The following KSR1 variants were observed in gnomAD, a reference collection of about 807,000 sequenced individuals.
KSR1 encodes the protein kinase suppressor of ras 1, also known as kinase suppressor of ras.
A neutral mutation model predicts 92.9 loss-of-function variants in KSR1; 35 were observed. The ratio of observed to expected loss-of-function variants is 0.38; its 90% CI spans 0.29 to 0.50. KSR1 has a LOEUF of 0.50. Ranked by LOEUF, KSR1 falls within the 20% of genes least tolerant of loss-of-function variation. The pLI, the probability that KSR1 is intolerant of heterozygous loss-of-function variation, is 0.94. For missense variants in KSR1, 972 were observed against 1,158.5 expected (o/e 0.84, Z 2.34); for synonymous variants, 467 against 472.6 (o/e 0.99, Z 0.15).
At chr17:27,548,737 C>T (rs1016971066) in intron 1 of KSR1, among the ~76,000 whole-genome samples, 2 of 150,698 alleles carry the variant, frequency 1.3e-5, no homozygotes, top group Non-Finnish European at 2.9e-5. Context: ...AGCTGAGGCA[C>T]AAGAATCACT....
intron 6 of KSR1, among the ~76,000 whole-genome samples, chr17:27,590,379 G>A (rs781223615): frequency 6.6e-6 from 1 of 152,200 alleles, no homozygotes; most frequent in East Asian, 1.9e-4. Context: ...CCATATTTTA[G>A]TCAGCTCCTA....
At chr17:27,517,987 C>T (rs1489720245) in intron 1 of KSR1, among the ~76,000 whole-genome samples, 1 of 152,202 alleles carries the variant, frequency 6.6e-6, no homozygotes, top group Non-Finnish European at 1.5e-5. Flanking sequence ...TATTGAGGAC[C>T]TGCTGTATGC....
In KSR1 at chr17:27,577,502, G is replaced by A. The variant is rs773362643; in HGVS notation, c.383G>A (p.Arg128Gln). Residue 128 changes from arginine (R) to glutamine (Q), a missense_variant, in exon 3 of 21, where the codon CGA becomes CAA. Physicochemically the swap from Arg to Gln is conservative, Grantham distance 43. This residue lies in a region of KSR1 where 611 missense variants were observed against 668.0 expected (regional missense o/e 0.91). Coordinates refer to ENST00000644974, the MANE Select transcript of KSR1 (RefSeq NM_001394583.1). This position sits in a 1 kb window ranked among gnomAD's most constrained non-coding sequence, Gnocchi z 4.5. ...VRPEVVQEIP[R>Q]DLTLDALLEM... ...CCTCTGTCCCCTTAGGAGATCCCCCGAGACCTCACGCTGGATGCCCTGCTG... is the reference window on the plus strand; with the variant it reads ...CCTCTGTCCCCTTAGGAGATCCCCCAAGACCTCACGCTGGATGCCCTGCTG... 10 of 1,565,750 alleles carry A rather than the reference G, an allele frequency of 6.4e-6. No homozygotes were observed. Among genetic ancestry groups the A allele is most frequent in the East Asian group, 2.3e-5 (1 of 43,348 alleles).
intron 1 of KSR1, among the ~76,000 whole-genome samples, chr17:27,526,046 C>CTTTTCTTT (rs1555576231): frequency 7.3e-4 from 44 of 60,580 alleles, no homozygotes; most frequent in Admixed American, 2.1e-3. Flanking sequence ...TCTTTTCTTT[C>CTTTTCTTT]TCTCTCTCTC....
intron 9 of KSR1, among the ~76,000 whole-genome samples, chr17:27,594,408 C>G (rs939411275): frequency 1.3e-5 from 2 of 152,098 alleles, no homozygotes; most frequent in African/African-American, 2.4e-5. Context: ...GCACACCCCC[C>G]ATGCCTGTGG....
At position 27,592,503 on chromosome 17, in the gene KSR1, TC is replaced by T; in HGVS notation, c.1193-14del. On this transcript the variant is annotated splice_polypyrimidine_tract_variant and intron_variant, in intron 8 of 20. Transcript: ENST00000644974. ...TGACCTGTTCCCTGGTGATGGGTTT[TC>T]CCTCTTTTCAAACAGTAACTCGGCT... 1 of 1,613,740 alleles carries T rather than the reference TC, an allele frequency of 6.2e-7. No homozygotes were observed. The highest frequency in any genetic ancestry group is 8.5e-7 in the Non-Finnish European group (1 of 1,179,634).
chr17:27,577,432 A>T lies in KSR1; in HGVS notation c.373-60A>T. ...TCAGCAGGAGGCCAGCCTGAGGCTG[A>T]GGGGCTCCCGGCCCAGCCGACTGCT... On this transcript the variant is annotated intron_variant, in intron 2 of 20. Transcript: ENST00000644974. This position sits in a 1 kb window ranked among gnomAD's most constrained non-coding sequence, Gnocchi z 4.5. The T allele has an allele frequency of 9.1e-7, 1 of 1,102,304 alleles. No homozygotes were observed. The allele number at this position is 1,102,304 out of a possible 1,614,324, so 68.3% of individuals were successfully genotyped here.
intron 1 of KSR1, among the ~76,000 whole-genome samples, chr17:27,466,012 A>G (rs1371334648): frequency 6.6e-6 from 1 of 152,248 alleles, no homozygotes; most frequent in Non-Finnish European, 1.5e-5. Context: ...CTGTGAAGAA[A>G]GTTGTGCTGC....
At chr17:27,500,065 G>A (rs2069122343) in intron 1 of KSR1, among the ~76,000 whole-genome samples, 1 of 152,214 alleles carries the variant, frequency 6.6e-6, no homozygotes, top group African/African-American at 2.4e-5. Context: ...CTGCCGTTCT[G>A]CGTTATGGCA....
intron 1 of KSR1, among the ~76,000 whole-genome samples, chr17:27,502,607 AG>A (rs1278990164): frequency 1.3e-5 from 2 of 152,220 alleles, no homozygotes; most frequent in Non-Finnish European, 2.9e-5. Context: ...TGGGTGACCT[AG>A]TCCCATGTCA....
chr17:27,525,991 A>ACTTTTCTTTT (rs138403263), intron 1 of KSR1, among the ~76,000 whole-genome samples: 1,384 of 71,180 alleles, frequency 0.019, 69 homozygotes, highest in East Asian at 0.078. Flanking sequence ...ACTGCAACTA[A>ACTTTTCTTTT]CTTTTCTTTT....
chr17:27,602,688 T>C (rs1291544785), intron 11 of KSR1, among the ~76,000 whole-genome samples: 1 of 152,128 alleles, frequency 6.6e-6, no homozygotes, highest in African/African-American at 2.4e-5. Context: ...TTGAGCAGTG[T>C]GGGATGGGTG....
chr17:27,543,007 G>A (rs1395441180), intron 1 of KSR1, among the ~76,000 whole-genome samples: 2 of 152,200 alleles, frequency 1.3e-5, no homozygotes, highest in African/African-American at 4.8e-5. Flanking sequence ...CATGACCTCT[G>A]ACCAGTCAGA....
chr17:27,538,561 C>T (rs866953696), intron 1 of KSR1, among the ~76,000 whole-genome samples: 5 of 152,146 alleles, frequency 3.3e-5, no homozygotes, highest in African/African-American at 1.2e-4. Context: ...GACCCCATTC[C>T]GGATCAATTA....
At chr17:27,586,796 G>A (rs2072985184) in intron 5 of KSR1, among the ~76,000 whole-genome samples, 1 of 152,200 alleles carries the variant, frequency 6.6e-6, no homozygotes, top group South Asian at 2.1e-4. Flanking sequence ...GGTGGCTTTT[G>A]GGGCTAATTG....
chr17:27,467,993 A>G (rs1055906273), intron 1 of KSR1, among the ~76,000 whole-genome samples: 1 of 151,432 alleles, frequency 6.6e-6, no homozygotes, highest in Non-Finnish European at 1.5e-5. Flanking sequence ...TCGTTTTCGT[A>G]TTTTTAGTAG....
chr17:27,549,346 C>T (rs574964686), intron 1 of KSR1, among the ~76,000 whole-genome samples: 8 of 152,248 alleles, frequency 5.3e-5, no homozygotes, highest in Non-Finnish European at 8.8e-5. Flanking sequence ...CCAGGCAACT[C>T]CCTGGTCTTC....
intron 1 of KSR1, among the ~76,000 whole-genome samples, chr17:27,493,202 A>T (rs2068878212): frequency 6.6e-6 from 1 of 152,218 alleles, no homozygotes; most frequent in Non-Finnish European, 1.5e-5. Context: ...CACACTTTAT[A>T]CATATAAATG....
In KSR1 at chr17:27,625,988, C is replaced by G. The variant is rs1026656817; in HGVS notation, c.*2596C>G. ...GTGAGCAGTGTGTAGCAAAGTTGATCTCTCCATGTCACCAAATCAAAACAC... is the reference window on the plus strand; with the variant it reads ...GTGAGCAGTGTGTAGCAAAGTTGATGTCTCCATGTCACCAAATCAAAACAC... On this transcript the variant is annotated 3_prime_UTR_variant, in exon 21 of 21. Coordinates refer to ENST00000644974, the MANE Select transcript of KSR1 (RefSeq NM_001394583.1). 6.6e-6 allele frequency: 1 copy of G among 152,256 alleles called. No individual in the cohort carries two copies. The highest frequency in any genetic ancestry group is 2.4e-5 in the African/African-American group (1 of 41,462). The allele number at this position is 152,256 out of a possible 1,614,324, so 9.4% of individuals were successfully genotyped here.
Sources: gnomAD v4.1 joint callset for allele counts (sites outside exome capture counted in the v4.1 genomes callset) on GRCh38, gnomAD v4.1.1 for gene constraint, gnomAD v4.1.1 regional missense constraint, Gnocchi (gnomAD v3.1) non-coding constraint, MANE v1.5 for transcripts, NCBI Gene and HGNC (gene_info 2026-07-23, HGNC 2026-07-21) for gene names.